CERS6: variants seen among roughly 807,000 people sequenced by gnomAD.
CERS6 encodes LAG1 homolog, ceramide synthase 6.
Under a neutral mutation model 56.8 loss-of-function variants are expected in CERS6, and 26 were observed. The ratio of observed to expected loss-of-function variants is 0.46; its 90% CI spans 0.34 to 0.63. CERS6 has a LOEUF of 0.63. Ranked by LOEUF, CERS6 falls within the 30% of genes least tolerant of loss-of-function variation. The probability of loss-of-function intolerance (pLI) is 0.01; values close to 1 mark genes in which losing one functional copy is unlikely to be tolerated. For synonymous variants in CERS6, 164 were observed against 173.3 expected (o/e 0.95, Z 0.42); for missense variants, 415 against 467.5 (o/e 0.89, Z 1.04).
chr2:168,765,852 A>G, intron 9 of CERS6, 104 bp downstream of exon 9: 1 of 1,082,296 alleles, frequency 9.2e-7, no homozygotes, highest in Non-Finnish European at 1.3e-6. Context: ...AATTGGTAGT[A>G]TTTCTTCAGA....
intron 4 of CERS6, among the ~76,000 whole-genome samples, chr2:168,687,865 A>T (rs1686394773): frequency 6.6e-6 from 1 of 152,026 alleles, no homozygotes; most frequent in African/African-American, 2.4e-5. Context: ...CACCGTGCCT[A>T]GCTAGTTTTC....
intron 8 of CERS6, among the ~76,000 whole-genome samples, chr2:168,752,218 C>T (rs1684289515): frequency 6.6e-6 from 1 of 151,286 alleles, no homozygotes; most frequent in Non-Finnish European, 1.5e-5. Flanking sequence ...GCAGTAGGAT[C>T]ATTTGAGCCC....
At chr2:168,518,781 C>A (rs184035955) in intron 1 of CERS6, among the ~76,000 whole-genome samples, 1 of 152,318 alleles carries the variant, frequency 6.6e-6, no homozygotes, top group East Asian at 1.9e-4. Context: ...GGATCTGTTT[C>A]TCTCCCTGCA....
At chr2:168,677,197 G>A (rs953615012) in intron 4 of CERS6, among the ~76,000 whole-genome samples, 3 of 151,750 alleles carry the variant, frequency 2.0e-5, no homozygotes, top group Non-Finnish European at 2.9e-5. Flanking sequence ...AGGCCCTGGT[G>A]TGTGATGTTC....
intron 3 of CERS6, among the ~76,000 whole-genome samples, chr2:168,562,701 T>G (rs1481516010): frequency 6.6e-6 from 1 of 152,170 alleles, no homozygotes; most frequent in African/African-American, 2.4e-5. Flanking sequence ...ATTGAACAAA[T>G]GTATAGTCGG....
rs766529332 is a variant in CERS6, at chr2:168,568,246, AT to A, written c.407+6931del. On this transcript the variant is annotated intron_variant, in intron 3 of 9. Transcript: ENST00000305747. ...AATTTCTAAAGGCTTTTTAAATAAT[AT>A]TTTTTTCCAATAATTTTGTTCAACA... is the stretch of plus-strand genomic sequence containing the variant. Among the ~76,000 whole-genome samples the A allele has an allele frequency of 9.4e-4, 143 of 151,942 alleles. 4 individuals are homozygous for A. The East Asian group carries it at 0.024, about 25-fold the overall frequency.
chr2:168,697,779 C>A (rs979983132), intron 6 of CERS6, among the ~76,000 whole-genome samples: 1 of 152,176 alleles, frequency 6.6e-6, no homozygotes, highest in African/African-American at 2.4e-5. Flanking sequence ...CCTTCTCTTG[C>A]TTAGTGAGAA....
chr2:168,497,730 G>T (rs1204573892), intron 1 of CERS6, among the ~76,000 whole-genome samples: 2 of 152,186 alleles, frequency 1.3e-5, no homozygotes, highest in African/African-American at 4.8e-5. Flanking sequence ...GCCCTGGGAA[G>T]CCCCTGGCTT....
intron 6 of CERS6, among the ~76,000 whole-genome samples, chr2:168,711,731 CAAAA>C (rs35886865): frequency 2.0e-4 from 20 of 97,878 alleles, no homozygotes; most frequent in African/African-American, 7.2e-4. Context: ...GAGACTGTCT[CAAAA>C]AAAAAAAAAA....
chr2:168,507,130 T>G (rs1358043898), intron 1 of CERS6, among the ~76,000 whole-genome samples: 1 of 152,176 alleles, frequency 6.6e-6, no homozygotes, highest in Non-Finnish European at 1.5e-5. Context: ...CCATCACTTC[T>G]AAGTGCTTCA....
In CERS6 at chr2:168,769,801, A is replaced by G. The variant is rs576654525; in HGVS notation, c.*139A>G. On this transcript the variant is annotated 3_prime_UTR_variant, in exon 10 of 10. Transcript: ENST00000305747. Reference sequence around the variant, plus strand: ...ATTATCAAAGCATTTTGAATAGTGCACTGCCATGTGTCCTGTCTGTGAATG... The same window carrying G: ...ATTATCAAAGCATTTTGAATAGTGCGCTGCCATGTGTCCTGTCTGTGAATG... 34 of 779,044 alleles carry G rather than the reference A, an allele frequency of 4.4e-5. 1 individual carries two copies. In the South Asian group the frequency reaches 5.4e-4, roughly 12 times the overall value. 48.3% of individuals were successfully genotyped at this position (779,044 alleles called of 1,614,324 possible).
At chr2:168,646,724 AG>A (rs1685212240) in intron 4 of CERS6, among the ~76,000 whole-genome samples, 1 of 152,144 alleles carries the variant, frequency 6.6e-6, no homozygotes, top group South Asian at 2.1e-4. Flanking sequence ...ATATGGTGTA[AG>A]GAAGGGGTCC....
intron 1 of CERS6, among the ~76,000 whole-genome samples, chr2:168,484,275 G>A (rs1490543319): frequency 7.1e-6 from 1 of 141,644 alleles, no homozygotes; most frequent in Non-Finnish European, 1.5e-5. Flanking sequence ...TCCACCTCCC[G>A]GGTTCAAGTA....
rs142650449 is a variant in CERS6 at position 168,753,809 on chromosome 2, T to C, written c.846-11783T>C. Reference sequence around the variant, plus strand: ...ATTGTAACACTTCCAGTAGAATCTATACATGTTTAGAATTCCATGCCAAAT... The same window carrying C: ...ATTGTAACACTTCCAGTAGAATCTACACATGTTTAGAATTCCATGCCAAAT... On this transcript the variant is annotated intron_variant, in intron 8 of 9. Coordinates refer to ENST00000305747, the MANE Select transcript of CERS6 (RefSeq NM_203463.3). Among the ~76,000 whole-genome samples, 526 of 152,348 alleles carry C rather than the reference T, an allele frequency of 3.5e-3. 6 individuals are homozygous for C. The Middle Eastern group carries it at 0.048, about 14-fold the overall frequency.
intron 8 of CERS6, among the ~76,000 whole-genome samples, chr2:168,729,056 TAC>T (rs1683441790): frequency 6.8e-6 from 1 of 146,336 alleles, no homozygotes; most frequent in African/African-American, 2.5e-5. Flanking sequence ...TAACGCTCTC[TAC>T]ACAGAATTAA....
rs529337075 is a variant in CERS6 at position 168,765,402 on chromosome 2, A to G, written c.846-190A>G. Among the ~76,000 whole-genome samples the G allele has an allele frequency of 2.6e-5, 4 of 152,366 alleles. No homozygotes were observed. In the South Asian group the frequency reaches 8.3e-4, roughly 32 times the overall value. ...ATATTAATTAACCTAAAACCAAATG[A>G]AAGTCACACCATCAGGGTAATTCTT... is the stretch of plus-strand genomic sequence containing the variant. On this transcript the variant is annotated intron_variant, in intron 8 of 9. Transcript: ENST00000305747.
At chr2:168,528,595 C>T (rs1054634163) in intron 1 of CERS6, among the ~76,000 whole-genome samples, 3 of 152,084 alleles carry the variant, frequency 2.0e-5, no homozygotes, top group Non-Finnish European at 4.4e-5. Context: ...GTACTGTGAA[C>T]AGATATTGCC....
intron 6 of CERS6, among the ~76,000 whole-genome samples, chr2:168,696,333 C>T (rs1428372807): frequency 6.6e-6 from 1 of 152,184 alleles, no homozygotes; most frequent in Non-Finnish European, 1.5e-5. Context: ...GTTTTTGCCA[C>T]TCCGTATACC....
intron 1 of CERS6, among the ~76,000 whole-genome samples, chr2:168,543,380 A>G (rs1429256122): frequency 6.6e-6 from 1 of 152,044 alleles, no homozygotes; most frequent in East Asian, 1.9e-4. Context: ...TCCCCCATCA[A>G]TCTGCTTCTA....
Sources: gnomAD v4.1 joint callset for allele counts (sites outside exome capture counted in the v4.1 genomes callset) on GRCh38, gnomAD v4.1.1 for gene constraint, MANE v1.5 for transcripts, NCBI Gene and HGNC (gene_info 2026-07-23, HGNC 2026-07-21) for gene names.